GIMAP8: variants seen among roughly 807,000 people sequenced by gnomAD.
GIMAP8 encodes GTPase, IMAP family member 8, also known as GTPase IMAP family member 8.
In GIMAP8, 29 loss-of-function variants were observed where a neutral mutation model predicts 35.6. The ratio of observed to expected loss-of-function variants is 0.81; its 90% CI spans 0.61 to 1.11. The LOEUF (loss-of-function observed/expected upper bound fraction) is 1.11. Ranked by LOEUF, GIMAP8 falls within the 50% of genes most tolerant of loss-of-function variation. The pLI, the probability that GIMAP8 is intolerant of heterozygous loss-of-function variation, is 0.00. For synonymous variants in GIMAP8, 335 were observed against 308.7 expected (o/e 1.09, Z -0.89); for missense variants, 811 against 805.0 (o/e 1.01, Z -0.09).
chr7:150,457,381 T>C (rs935477590), intron 1 of GIMAP8, among the ~76,000 whole-genome samples: 1 of 152,218 alleles, frequency 6.6e-6, no homozygotes, highest in African/African-American at 2.4e-5. Flanking sequence ...AGAGATCTTG[T>C]TTATGGCCAG....
chr7:150,462,662 C>A (rs1338373699), intron 1 of GIMAP8, among the ~76,000 whole-genome samples: 1 of 152,118 alleles, frequency 6.6e-6, no homozygotes, highest in Non-Finnish European at 1.5e-5. Flanking sequence ...ATATATCATC[C>A]CATTCTCTCC....
rs1460949484 is a variant in GIMAP8, at chr7:150,479,324, G to A, written c.*1544G>A. On this transcript the variant is annotated 3_prime_UTR_variant, in exon 5 of 5. Coordinates refer to ENST00000307271, the MANE Select transcript of GIMAP8 (RefSeq NM_175571.4). ...ACCCCTTGAACCTGAAATAAAAATT[G>A]GAAAGTAAAAAAAAGTGTGTAAATA... The A allele has an allele frequency of 1.3e-5, 2 of 151,776 alleles. No individual in the cohort carries two copies. The highest frequency in any genetic ancestry group is 4.8e-5 in the African/African-American group (2 of 41,266). The allele number at this position is 151,776 out of a possible 1,614,324, so 9.4% of individuals were successfully genotyped here. A position where few individuals can be genotyped will look rare whatever the true frequency, so the allele number is the denominator to read the frequency against.
intron 1 of GIMAP8, among the ~76,000 whole-genome samples, chr7:150,460,825 T>A (rs1563281553): frequency 6.6e-6 from 1 of 152,228 alleles, no homozygotes; most frequent in Non-Finnish European, 1.5e-5. Flanking sequence ...TATATACCAC[T>A]TCCATTGGAT....
At chr7:150,468,872 C>A (rs1411740574) in intron 2 of GIMAP8, among the ~76,000 whole-genome samples, 1 of 152,174 alleles carries the variant, frequency 6.6e-6, no homozygotes, top group Non-Finnish European at 1.5e-5. Context: ...ATGCTCTACA[C>A]ATGAGGAAAC....
chr7:150,463,954 C>G (rs920657215), intron 1 of GIMAP8, among the ~76,000 whole-genome samples: 1 of 152,176 alleles, frequency 6.6e-6, no homozygotes, highest in Non-Finnish European at 1.5e-5. Context: ...TGGGCCAGCC[C>G]TTAGACCCCC....
chr7:150,473,346 A>G (rs553573733), intron 3 of GIMAP8, among the ~76,000 whole-genome samples: 4 of 151,928 alleles, frequency 2.6e-5, no homozygotes, highest in Admixed American at 6.6e-5. Context: ...GCCTTTTTCT[A>G]TATCTATACA....
chr7:150,451,587 A>G lies in GIMAP8; in HGVS notation c.-29+412A>G, dbSNP rs1020589241. Among the ~76,000 whole-genome samples the G allele has an allele frequency of 6.6e-6, 1 of 152,120 alleles. No individual in the cohort carries two copies. Among genetic ancestry groups the G allele is most frequent in the African/African-American group, 2.4e-5 (1 of 41,418 alleles). The stretch of plus-strand genomic sequence containing the variant: ...AGCCCTGAAGAGGAGGAGGGCTGAG[A>G]CTGGCAGAAGGGAGGAAGAAGCAGG... On this transcript the variant is annotated intron_variant, in intron 1 of 4. Coordinates refer to ENST00000307271, the MANE Select transcript of GIMAP8 (RefSeq NM_175571.4). This position sits in a 1 kb window ranked among gnomAD's most constrained non-coding sequence, Gnocchi z 4.1.
At chr7:150,457,525 AC>A (rs968523364) in intron 1 of GIMAP8, among the ~76,000 whole-genome samples, 1 of 152,222 alleles carries the variant, frequency 6.6e-6, no homozygotes, top group African/African-American at 2.4e-5. Flanking sequence ...ATATTTAGAA[AC>A]CTAAAAATAG....
chr7:150,475,114 G>C (rs1802198539), intron 4 of GIMAP8, among the ~76,000 whole-genome samples: 1 of 152,172 alleles, frequency 6.6e-6, no homozygotes, highest in Non-Finnish European at 1.5e-5. Flanking sequence ...TTTCTAAAAG[G>C]CATAGAGAAG....
intron 1 of GIMAP8, among the ~76,000 whole-genome samples, chr7:150,458,495 A>G (rs1212241310): frequency 6.6e-6 from 1 of 152,228 alleles, no homozygotes; most frequent in African/African-American, 2.4e-5. Context: ...ACACCCTCAC[A>G]GAAACATTTG....
chr7:150,477,873 G>A lies in GIMAP8; in HGVS notation c.*93G>A, dbSNP rs1164517493. 4.0e-6 allele frequency: 4 copies of A among 1,009,730 alleles called. No homozygotes were observed. Among genetic ancestry groups the A allele is most frequent in the Non-Finnish European group, 5.8e-6 (4 of 687,504 alleles). 62.5% of individuals were successfully genotyped at this position (1,009,730 alleles called of 1,614,324 possible). On this transcript the variant is annotated 3_prime_UTR_variant, in exon 5 of 5. Coordinates refer to ENST00000307271, the MANE Select transcript of GIMAP8 (RefSeq NM_175571.4). ...GTACAACCTGTGGGAAGGGAAGCGGGTTCATGGCTTTGAGGGCCTGAGAGG... is the reference window on the plus strand; with the variant it reads ...GTACAACCTGTGGGAAGGGAAGCGGATTCATGGCTTTGAGGGCCTGAGAGG...
rs774411461 is a variant in GIMAP8 at position 150,474,295 on chromosome 7, A to G, written c.966A>G (p.Thr322=). The change falls in exon 4 of 5, where the codon ACA becomes ACG. Residue 322 remains threonine, a synonymous_variant. Transcript: ENST00000307271. ...CAGAAGTTAGAAAACACATCTGTAC[A>G]GGCCCCCATGCCTTCCTGCTGGTGA... The part of the protein sequence containing the change: ...IDSEVRKHIC[T]GPHAFLLVTP... 6.2e-7 allele frequency: 1 copy of G among 1,614,160 alleles called. No individual in the cohort carries two copies. Among genetic ancestry groups the G allele is most frequent in the Non-Finnish European group, 8.5e-7 (1 of 1,179,974 alleles).
chr7:150,455,030 C>T (rs768775241), intron 1 of GIMAP8, among the ~76,000 whole-genome samples: 6 of 151,152 alleles, frequency 4.0e-5, no homozygotes, highest in South Asian at 2.1e-4. Context: ...CCCAGCTACT[C>T]GGGAGGCTGA....
intron 1 of GIMAP8, among the ~76,000 whole-genome samples, chr7:150,465,799 T>C (rs1298131288): frequency 6.6e-6 from 1 of 152,232 alleles, no homozygotes; most frequent in African/African-American, 2.4e-5. Flanking sequence ...AGCAGCACTA[T>C]CTATATACTG....
Position 150,451,258 on chromosome 7 carries a change from G to C in GIMAP8, c.-29+83G>C, listed in dbSNP as rs1282528510. The C allele has an allele frequency of 6.6e-6, 1 of 152,294 alleles. No individual in the cohort carries two copies. The highest frequency in any genetic ancestry group is 6.5e-5 in the Admixed American group (1 of 15,286). The allele number at this position is 152,294 out of a possible 1,614,324, so 9.4% of individuals were successfully genotyped here. A position where few individuals can be genotyped will look rare whatever the true frequency, so the allele number is the denominator to read the frequency against. ...CCGTGGGACCCCATGGGACACGACC[G>C]CAGTGCATGTGTGACATGTGCACTC... On this transcript the variant is annotated intron_variant, in intron 1 of 4. Coordinates refer to ENST00000307271, the MANE Select transcript of GIMAP8 (RefSeq NM_175571.4). This position sits in a 1 kb window ranked among gnomAD's most constrained non-coding sequence, Gnocchi z 4.1.
rs1563289240 is a variant in GIMAP8 at position 150,477,581 on chromosome 7, C to CT, written c.1803dup (p.Asn602Ter). 1.2e-6 allele frequency: 2 copies of CT among 1,614,176 alleles called. No homozygotes were observed. Among genetic ancestry groups the CT allele is most frequent in the South Asian group, 2.2e-5 (2 of 91,088 alleles). ...AAAAAGTGTGGGCGGCGAGTTTGTG[C>CT]TTTTAACAACAAAGAAACAGGCCAG... On this transcript the variant is annotated frameshift_variant, in exon 5 of 5. Transcript: ENST00000307271. LOFTEE classifies it low-confidence loss of function (END_TRUNC).
At chr7:150,465,677 C>T (rs1201050332) in intron 1 of GIMAP8, among the ~76,000 whole-genome samples, 1 of 152,184 alleles carries the variant, frequency 6.6e-6, no homozygotes, top group Non-Finnish European at 1.5e-5. Context: ...ACAAGTAGAG[C>T]TGACTCTGTG....
chr7:150,452,673 G>GAGATATAGATAT (rs1554492366), intron 1 of GIMAP8, among the ~76,000 whole-genome samples: 1 of 56,284 alleles, frequency 1.8e-5, no homozygotes, highest in African/African-American at 7.4e-5. Flanking sequence ...GTGTGTGTGT[G>GAGATATAGATAT]AGATATATAT....
rs1323406302 is a variant in GIMAP8, at chr7:150,474,129, T to C, written c.800T>C (p.Ile267Thr). Residue 267 changes from isoleucine (I) to threonine (T), a missense_variant, in exon 4 of 5, where the codon ATT (isoleucine) becomes ACT (threonine). Ile to Thr is a moderately conservative substitution (Grantham distance 89). Transcript: ENST00000307271. ...GGAAAAAGTGCAGCAGGAAACAGCA[T>C]TCTGGGGAGGCAGGCCTTTCAGACC... ...GAGKSAAGNS[I>T]LGRQAFQTGF... The C allele has an allele frequency of 1.2e-6, 2 of 1,614,184 alleles. No homozygotes were observed. The highest frequency in any genetic ancestry group is 1.7e-6 in the Non-Finnish European group (2 of 1,180,034).
Sources: gnomAD v4.1 joint callset for allele counts (sites outside exome capture counted in the v4.1 genomes callset) on GRCh38, gnomAD v4.1.1 for gene constraint, Gnocchi (gnomAD v3.1) non-coding constraint, MANE v1.5 for transcripts, NCBI Gene and HGNC (gene_info 2026-07-23, HGNC 2026-07-21) for gene names.